Variants in ZMYM2 observed in about 807,000 individuals in gnomAD.
The protein encoded by ZMYM2 is zinc finger MYM-type containing 2.
ZMYM2 carries 56 observed loss-of-function variants against 162.8 expected under a neutral mutation model. The ratio of observed to expected loss-of-function variants is 0.34; its 90% CI spans 0.28 to 0.43. The LOEUF (loss-of-function observed/expected upper bound fraction) is 0.43. Among genes scored for constraint, ZMYM2 ranks in the 20% least tolerant of loss-of-function variants. The pLI is 1.00. For synonymous variants in ZMYM2, 510 were observed against 541.6 expected, an observed-to-expected ratio of 0.94 and a Z score of 0.81; for missense variants, 1,275 against 1,621.8, an observed-to-expected ratio of 0.79 and a Z score of 3.67.
At chr13:19,958,081 G>A (rs1348396810), upstream of ZMYM2, among the ~76,000 whole-genome samples, 2 of 152,254 alleles carry the variant, frequency 1.3e-5, no homozygotes, top group Admixed American at 6.5e-5. Context: ...CATGGCGGGA[G>A]GTGGGGGACT....
At chr13:19,937,106 A>C in the ZMYM2 span, among the ~76,000 whole-genome samples, 1 of 152,080 alleles carries the variant, frequency 6.6e-6, no homozygotes, top group Non-Finnish European at 1.5e-5. Flanking sequence ...ACCTCTTAAA[A>C]AAAATTTTAA....
At chr13:19,906,370 T>C in the ZMYM2 span, among the ~76,000 whole-genome samples, 1 of 143,342 alleles carries the variant, frequency 7.0e-6, no homozygotes, top group East Asian at 2.0e-4. Context: ...TATATGTATA[T>C]ATATATGTGT....
the ZMYM2 span, among the ~76,000 whole-genome samples, chr13:19,949,884 CAAA>C: frequency 1.1e-5 from 1 of 91,444 alleles, no homozygotes; most frequent in Admixed American, 1.2e-4. Context: ...GAGACTTTGT[CAAA>C]AAAAAAAAAA....
chr13:19,997,580 A>C (rs1338340869), intron 3 of ZMYM2, among the ~76,000 whole-genome samples: 1 of 152,128 alleles, frequency 6.6e-6, no homozygotes, highest in East Asian at 1.9e-4. Flanking sequence ...ACATTGTAAT[A>C]ATGCTTTTTA....
chr13:20,076,107 T>C lies in ZMYM2; in HGVS notation c.3454-5909T>C, dbSNP rs192837890. Among the ~76,000 whole-genome samples, 6 of 150,582 alleles carry C rather than the reference T, an allele frequency of 4.0e-5. No individual in the cohort carries two copies. The East Asian group carries it at 1.2e-3, about 29-fold the overall frequency. Reference sequence around the variant, plus strand: ...TTTGTCAGCTAGGAACACTAGACCATATTATATACTTCTACATCTTACTTT... The same window carrying C: ...TTTGTCAGCTAGGAACACTAGACCACATTATATACTTCTACATCTTACTTT... On this transcript the variant is annotated intron_variant, in intron 21 of 24. Transcript: ENST00000610343.
intron 12 of ZMYM2, among the ~76,000 whole-genome samples, chr13:20,048,956 G>A (rs1381710446): frequency 6.6e-6 from 1 of 151,400 alleles, no homozygotes; most frequent in Non-Finnish European, 1.5e-5. Context: ...GTTCTTTTTT[G>A]CAAATGGCTA....
Position 20,046,607 on chromosome 13 carries a change from GTATA to G in ZMYM2, c.2293-4820_2293-4817del, listed in dbSNP as rs67024518. On this transcript the variant is annotated intron_variant, in intron 12 of 24. Coordinates refer to ENST00000610343, the MANE Select transcript of ZMYM2 (RefSeq NM_197968.4). ...TGTGTGTGTGTGTGTGTGTGTGTGTGTATATATATGTGTATATATATGTGTATAT... is the reference window on the plus strand; with the variant it reads ...TGTGTGTGTGTGTGTGTGTGTGTGTGTATATGTGTATATATATGTGTATAT... Among the ~76,000 whole-genome samples, 648 of 104,336 alleles carry G rather than the reference GTATA, an allele frequency of 6.2e-3. 2 individuals are homozygous for G. Among genetic ancestry groups the G allele is most frequent in the East Asian group, 0.011 (45 of 3,988 alleles). 68.4% of individuals were successfully genotyped at this position (104,336 alleles called of 152,430 possible). A position where few individuals can be genotyped will look rare whatever the true frequency, so the allele number is the denominator to read the frequency against.
intron 12 of ZMYM2, among the ~76,000 whole-genome samples, chr13:20,039,327 A>G (rs1030618086): frequency 6.6e-6 from 1 of 152,094 alleles, no homozygotes; most frequent in African/African-American, 2.4e-5. Flanking sequence ...GAGTGGTGAG[A>G]GAGGGCATCC....
chr13:20,058,736 C>T (rs1955999828), intron 15 of ZMYM2, 32 bp downstream of exon 15: 1 of 1,609,540 alleles, frequency 6.2e-7, no homozygotes. Flanking sequence ...TACATACTTC[C>T]CCATACCTTC....
At chr13:19,992,300 C>T (rs958848822) in intron 2 of ZMYM2, among the ~76,000 whole-genome samples, 1 of 152,192 alleles carries the variant, frequency 6.6e-6, no homozygotes, top group Non-Finnish European at 1.5e-5. Context: ...TGCCTGTAAT[C>T]CCAGCACTTT....
At chr13:20,028,583 T>TC (rs2140276052) in intron 9 of ZMYM2, among the ~76,000 whole-genome samples, 1 of 152,284 alleles carries the variant, frequency 6.6e-6, no homozygotes, top group African/African-American at 2.4e-5. Context: ...TACCAGGACC[T>TC]CCTGCAGATA....
At chr13:20,067,423 C>T (rs1475201270) in intron 21 of ZMYM2, 33 bp downstream of exon 21, 1 of 1,547,744 alleles carries the variant, frequency 6.5e-7, no homozygotes. Flanking sequence ...TCAAGTATAA[C>T]ATTAATAAGA....
intron 2 of ZMYM2, among the ~76,000 whole-genome samples, chr13:19,965,061 A>G (rs1014932608): frequency 6.7e-6 from 1 of 148,436 alleles, no homozygotes; most frequent in African/African-American, 2.5e-5. Flanking sequence ...CAATGTGCAC[A>G]TGTACCCTAA....
At chr13:19,881,643 AAT>A in the ZMYM2 span, among the ~76,000 whole-genome samples, 2 of 144,400 alleles carry the variant, frequency 1.4e-5, no homozygotes, top group African/African-American at 5.2e-5. Flanking sequence ...AAAAATAAAA[AAT>A]AAAATAAAAC....
intron 21 of ZMYM2, among the ~76,000 whole-genome samples, chr13:20,069,270 A>G (rs768937274): frequency 2.0e-5 from 3 of 151,890 alleles, no homozygotes; most frequent in Non-Finnish European, 2.9e-5. Context: ...ATTGCTTGAA[A>G]CCTTCCCCCA....
At chr13:20,078,480 T>C (rs1957673639) in intron 21 of ZMYM2, among the ~76,000 whole-genome samples, 1 of 152,240 alleles carries the variant, frequency 6.6e-6, no homozygotes, top group Non-Finnish European at 1.5e-5. Context: ...TTAGTGACAA[T>C]ACTTGTCTGA....
chr13:19,997,630 T>TAAGG (rs1950113435), intron 3 of ZMYM2, among the ~76,000 whole-genome samples: 1 of 152,176 alleles, frequency 6.6e-6, no homozygotes, highest in Non-Finnish European at 1.5e-5. Flanking sequence ...AACTGTATGT[T>TAAGG]AGTCTTTCAT....
chr13:19,965,205 C>A, intron 2 of ZMYM2: 1 of 1,269,530 alleles, frequency 7.9e-7, no homozygotes, highest in Non-Finnish European at 1.0e-6. Context: ...GAGACAAATT[C>A]TTTTTACTTT....
chr13:19,894,032 T>G, the ZMYM2 span, among the ~76,000 whole-genome samples: 1 of 151,702 alleles, frequency 6.6e-6, no homozygotes, highest in Non-Finnish European at 1.5e-5. Flanking sequence ...GTTAAATTGT[T>G]TCAGATTAAA....
Sources: gnomAD v4.1 joint callset for allele counts (sites outside exome capture counted in the v4.1 genomes callset) on GRCh38, gnomAD v4.1.1 for gene constraint, MANE v1.5 for transcripts, NCBI Gene and HGNC (gene_info 2026-07-23, HGNC 2026-07-21) for gene names.